Variants in ZBTB20 observed in about 807,000 individuals in gnomAD.
The protein encoded by ZBTB20 is zinc finger and BTB domain containing 20, also known as zinc finger and BTB domain-containing protein 20.
ZBTB20 carries 9 observed loss-of-function variants against 56.9 expected under a neutral mutation model. The observed-to-expected ratio is 0.16, with a 90% CI of 0.10 to 0.28. The LOEUF is 0.28. Among genes scored for constraint, ZBTB20 ranks in the 10% least tolerant of loss-of-function variants. The probability of loss-of-function intolerance (pLI) is 1.00; values close to 1 mark genes in which losing one functional copy is unlikely to be tolerated. For synonymous variants in ZBTB20, 417 were observed against 420.7 expected, an observed-to-expected ratio of 0.99 and a Z score of 0.11; for missense variants, 655 against 1,003.0, an observed-to-expected ratio of 0.65 and a Z score of 4.69.
At chr3:114,785,221 A>C (rs1460528445) in intron 5 of ZBTB20, among the ~76,000 whole-genome samples, 1 of 152,206 alleles carries the variant, frequency 6.6e-6, no homozygotes, top group African/African-American at 2.4e-5. Context: ...TAAAATCTTA[A>C]ATATTTTAGG....
intron 6 of ZBTB20, among the ~76,000 whole-genome samples, chr3:114,509,015 T>C (rs2044993581): frequency 1.3e-5 from 2 of 152,202 alleles, no homozygotes; most frequent in African/African-American, 4.8e-5. Flanking sequence ...CCATTGCTTA[T>C]GCTGCTTCAT....
At chr3:114,813,440 TCTG>T in intron 4 of ZBTB20, among the ~76,000 whole-genome samples, 1 of 152,334 alleles carries the variant, frequency 6.6e-6, no homozygotes, top group Admixed American at 6.5e-5. Context: ...CATTACTATT[TCTG>T]CTATTAATTA....
At chr3:114,621,042 C>T (rs1290587841) in intron 6 of ZBTB20, among the ~76,000 whole-genome samples, 1 of 152,138 alleles carries the variant, frequency 6.6e-6, no homozygotes, top group African/African-American at 2.4e-5. Flanking sequence ...TATATGTACT[C>T]AGCCTTATAA....
chr3:114,793,289 A>G (rs1349195167), intron 5 of ZBTB20, among the ~76,000 whole-genome samples: 2 of 152,172 alleles, frequency 1.3e-5, no homozygotes, highest in Non-Finnish European at 2.9e-5. Flanking sequence ...AGAAAAATGT[A>G]CACCAAACCC....
At chr3:114,369,612 T>C (rs896145570) in intron 10 of ZBTB20, among the ~76,000 whole-genome samples, 6 of 152,210 alleles carry the variant, frequency 3.9e-5, no homozygotes, top group African/African-American at 7.2e-5. Flanking sequence ...ACAGGTGGGA[T>C]TGGCCTTTGG....
At chr3:114,940,204 T>C (rs2076679915) in intron 3 of ZBTB20, among the ~76,000 whole-genome samples, 1 of 146,218 alleles carries the variant, frequency 6.8e-6, no homozygotes, top group Admixed American at 6.6e-5. Context: ...CCCTCTATTC[T>C]AGAATTGTTT....
chr3:114,437,241 G>T (rs2090576606), intron 7 of ZBTB20, among the ~76,000 whole-genome samples: 1 of 152,072 alleles, frequency 6.6e-6, no homozygotes, highest in Non-Finnish European at 1.5e-5. Flanking sequence ...TCTGGAGCTG[G>T]TGAACCACTA....
Position 115,087,418 on chromosome 3 carries a change from C to T in ZBTB20, c.-702-16004G>A, listed in dbSNP as rs546949338. On this transcript the variant is annotated intron_variant, in intron 1 of 11. Coordinates refer to ENST00000675478, the MANE Select transcript of ZBTB20 (RefSeq NM_001348800.3). ...CACGTGGTGGACACTGTCCTTACAG[C>T]TCAGCTAATTCTAATGGTTTTAAAA... Among the ~76,000 whole-genome samples, 3 of 151,946 alleles carry T rather than the reference C, an allele frequency of 2.0e-5. No individual in the cohort carries two copies. The East Asian group carries it at 5.8e-4, about 29-fold the overall frequency.
chr3:114,315,038 T>A lies in ZBTB20; in HGVS notation c.*23967A>T, dbSNP rs2078626614. The A allele has an allele frequency of 6.6e-6, 1 of 152,028 alleles. No individual in the cohort carries two copies. The highest frequency in any genetic ancestry group is 1.5e-5 in the Non-Finnish European group (1 of 67,920). The allele number at this position is 152,028 out of a possible 1,614,324, so 9.4% of individuals were successfully genotyped here. A position where few individuals can be genotyped will look rare whatever the true frequency, so the allele number is the denominator to read the frequency against. On this transcript the variant is annotated 3_prime_UTR_variant, in exon 12 of 12. Coordinates refer to ENST00000675478, the MANE Select transcript of ZBTB20 (RefSeq NM_001348800.3). ...AAGGTTTTTCCAAACAATTTTTCTGTTTGTTTGTTTGATAACTGACAACAA... is the reference window on the plus strand; with the variant it reads ...AAGGTTTTTCCAAACAATTTTTCTGATTGTTTGTTTGATAACTGACAACAA...
At chr3:115,123,526 A>G (rs2084240600) in intron 1 of ZBTB20, among the ~76,000 whole-genome samples, 1 of 152,226 alleles carries the variant, frequency 6.6e-6, no homozygotes, top group Non-Finnish European at 1.5e-5. Context: ...AACACTAAGC[A>G]GAATGCTTGT....
In ZBTB20 at chr3:114,339,010, C is replaced by T. The variant is rs150263896; in HGVS notation, c.2221G>A (p.Gly741Arg). The part of the protein sequence containing the change: ...NDHMRMHVSD[G>R] Reference sequence around the variant, plus strand: ...GAAAGAGAGAAAGATACTACTTATCCGTCAGACACATGCATCCTCATGTGG... The same window carrying T: ...GAAAGAGAGAAAGATACTACTTATCTGTCAGACACATGCATCCTCATGTGG... Residue 741 changes from glycine to arginine, a missense_variant, in exon 12 of 12, where the codon GGA becomes AGA. Around this residue, in one of 10 missense-constraint regions of ZBTB20, gnomAD observed 89 missense variants for 79.7 expected, o/e 1.12. Coordinates refer to ENST00000675478, the MANE Select transcript of ZBTB20 (RefSeq NM_001348800.3). The surrounding 1 kb of genome is among the most constrained non-coding windows in gnomAD (Gnocchi z 4.2). The T allele has an allele frequency of 2.0e-6, 3 of 1,502,474 alleles. No individual in the cohort carries two copies. The African/African-American group carries it at 4.2e-5, about 21-fold the overall frequency. The allele number at this position is 1,502,474 out of a possible 1,614,324, so 93.1% of individuals were successfully genotyped here. A position where few individuals can be genotyped will look rare whatever the true frequency, so the allele number is the denominator to read the frequency against.
At chr3:114,378,151 C>A (rs1213101794) in intron 10 of ZBTB20, among the ~76,000 whole-genome samples, 1 of 151,946 alleles carries the variant, frequency 6.6e-6, no homozygotes, top group African/African-American at 2.4e-5. Flanking sequence ...ATTTTAACAG[C>A]TTAAAATAAA....
chr3:114,392,579 T>C (rs2085977641), intron 7 of ZBTB20, among the ~76,000 whole-genome samples: 1 of 152,238 alleles, frequency 6.6e-6, no homozygotes. Context: ...TTCATTACTT[T>C]GTAGAAACAA....
chr3:114,346,107 T>C lies in ZBTB20; in HGVS notation c.1804+4167A>G, dbSNP rs567876492. On this transcript the variant is annotated intron_variant, in intron 11 of 11. Coordinates refer to ENST00000675478, the MANE Select transcript of ZBTB20 (RefSeq NM_001348800.3). ...GGTTTGTTTAGCAGTGGATAAAGAG[T>C]GGTTAGGTGAGCAATTTTCTTTTAC... is the stretch of plus-strand genomic sequence containing the variant. Among the ~76,000 whole-genome samples the C allele has an allele frequency of 9.2e-5, 14 of 151,920 alleles. No homozygotes were observed. The East Asian group carries it at 2.7e-3, about 29-fold the overall frequency.
intron 5 of ZBTB20, among the ~76,000 whole-genome samples, chr3:114,695,254 T>C (rs2062933798): frequency 6.6e-6 from 1 of 152,014 alleles, no homozygotes; most frequent in Non-Finnish European, 1.5e-5. Context: ...CTTCTTTTCT[T>C]GCATGTCCAA....
chr3:114,417,147 C>T (rs910573188), intron 7 of ZBTB20, among the ~76,000 whole-genome samples: 7 of 152,020 alleles, frequency 4.6e-5, no homozygotes, highest in East Asian at 3.9e-4. Context: ...AATGGATTAA[C>T]GAGTTCTTGT....
intron 5 of ZBTB20, among the ~76,000 whole-genome samples, chr3:114,754,416 G>A (rs933667209): frequency 6.6e-6 from 1 of 152,126 alleles, no homozygotes; most frequent in East Asian, 1.9e-4. Context: ...CTGTGGGGAG[G>A]AGGAAGACCC....
At chr3:114,816,699 T>C (rs922947397) in intron 4 of ZBTB20, among the ~76,000 whole-genome samples, 1 of 152,198 alleles carries the variant, frequency 6.6e-6, no homozygotes, top group Non-Finnish European at 1.5e-5. Flanking sequence ...ATAGAGATGA[T>C]AACTTCGCCA....
chr3:114,694,962 G>A (rs1398908160), intron 5 of ZBTB20, among the ~76,000 whole-genome samples: 1 of 151,998 alleles, frequency 6.6e-6, no homozygotes, highest in African/African-American at 2.4e-5. Context: ...TTTATTACTT[G>A]TATGGCTTAC....
Sources: allele counts gnomAD v4.1 joint callset (sites outside exome capture counted in the v4.1 genomes callset), GRCh38; gene constraint gnomAD v4.1.1; regional missense constraint gnomAD v4.1.1; non-coding constraint Gnocchi (gnomAD v3.1); transcripts MANE v1.5; gene names NCBI Gene and HGNC (gene_info 2026-07-23, HGNC 2026-07-21).